Variants in RRM2 observed in about 807,000 individuals in gnomAD.
RRM2 encodes the protein ribonucleotide reductase regulatory subunit M2.
RRM2 carries 6 observed loss-of-function variants against 45.9 expected under a neutral mutation model. The observed-to-expected ratio is 0.13, with a 90% CI of 0.07 to 0.26. The LOEUF (loss-of-function observed/expected upper bound fraction) is 0.26. RRM2 is among the 10% of genes least tolerant of loss of function. The pLI is 1.00. For synonymous variants in RRM2, 177 were observed against 173.0 expected (o/e 1.02, Z -0.18); for missense variants, 343 against 489.5 (o/e 0.70, Z 2.82).
chr2:10,132,531 T>A (rs1262618406), downstream of RRM2, among the ~76,000 whole-genome samples: 1 of 152,186 alleles, frequency 6.6e-6, no homozygotes, highest in Non-Finnish European at 1.5e-5. Flanking sequence ...AAGTTGTCTT[T>A]GAGGGCACAG....
intron 3 of RRM2, among the ~76,000 whole-genome samples, chr2:10,201,165 AAG>A (rs1664563992): frequency 6.6e-6 from 1 of 151,730 alleles, no homozygotes. Context: ...AAAAAAAAGA[AAG>A]AAAGAAAGAA....
intron 3 of RRM2, 76 bp from the exon 4 acceptor site, chr2:10,123,660 G>C: frequency 7.1e-7 from 1 of 1,409,292 alleles, no homozygotes; most frequent in Non-Finnish European, 9.9e-7. Context: ...CATACTTAAA[G>C]TTTGAGTGCT....
At chr2:10,176,854 C>T (rs1440864265) in intron 3 of RRM2, among the ~76,000 whole-genome samples, 1 of 152,136 alleles carries the variant, frequency 6.6e-6, no homozygotes, top group Admixed American at 6.5e-5. Flanking sequence ...GCACCTGTTT[C>T]TCCTGTGGGT....
chr2:10,174,434 C>G (rs1663870118), intron 3 of RRM2, among the ~76,000 whole-genome samples: 1 of 152,176 alleles, frequency 6.6e-6, no homozygotes, highest in African/African-American at 2.4e-5. Flanking sequence ...AGGTGAAGCT[C>G]TCCCAGCTCT....
rs1664138106 is a variant in RRM2 at position 10,185,135 on chromosome 2, T to C, written n.483-25176T>C. On this transcript the variant is annotated intron_variant and non_coding_transcript_variant, in intron 3 of 3. Coordinates refer to the RRM2 transcript ENST00000381786. The surrounding 1 kb of genome is among the most constrained non-coding windows in gnomAD (Gnocchi z 4.3). ...TGATGTTTTGTTTGACTAATGCTTA[T>C]TTTCCCTTTTGTATCAGTATTTTAA... Among the ~76,000 whole-genome samples the C allele has an allele frequency of 6.6e-6, 1 of 152,220 alleles. No homozygotes were observed. Among genetic ancestry groups the C allele is most frequent in the African/African-American group, 2.4e-5 (1 of 41,456 alleles).
chr2:10,131,768 G>A (rs773359818), downstream of RRM2, among the ~76,000 whole-genome samples: 17 of 152,190 alleles, frequency 1.1e-4, no homozygotes, highest in East Asian at 1.9e-4. Context: ...AAAGGCTAAC[G>A]AATTCATTTG....
chr2:10,138,208 C>T (rs1663024901), upstream of RRM2, among the ~76,000 whole-genome samples: 1 of 150,314 alleles, frequency 6.7e-6, no homozygotes, highest in Non-Finnish European at 1.5e-5. Flanking sequence ...TCCCTTGTTG[C>T]CCAGGTTGGA....
At chr2:10,189,225 G>C (rs929641153) in intron 3 of RRM2, among the ~76,000 whole-genome samples, 1 of 152,250 alleles carries the variant, frequency 6.6e-6, no homozygotes, top group African/African-American at 2.4e-5. Context: ...GAGTGGGCCA[G>C]CCCCCTCCCT....
At chr2:10,190,928 A>G (rs1431631713) in intron 3 of RRM2, among the ~76,000 whole-genome samples, 3 of 152,096 alleles carry the variant, frequency 2.0e-5, no homozygotes, top group Admixed American at 6.5e-5. Flanking sequence ...CCTCTTCTCT[A>G]GCTCTGTCTC....
chr2:10,199,007 G>C (rs1433319585), intron 3 of RRM2: 1 of 152,142 alleles, frequency 6.6e-6, no homozygotes, highest in Non-Finnish European at 1.5e-5. Flanking sequence ...AAATGCTGCT[G>C]TTTGTCCAAA....
Position 10,129,025 on chromosome 2 carries a change from G to A in RRM2, c.904-16G>A. ...TGTGCTTTAGTTGTATTCAGAAGCT[G>A]TATTTTGGTTCCTAGGAGTTCCTCA... On this transcript the variant is annotated splice_polypyrimidine_tract_variant and intron_variant, in intron 8 of 9. Coordinates refer to ENST00000304567, the MANE Select transcript of RRM2 (RefSeq NM_001034.4). This position sits in a 1 kb window ranked among gnomAD's most constrained non-coding sequence, Gnocchi z 4.8. The A allele has an allele frequency of 6.2e-7, 1 of 1,612,694 alleles. No homozygotes were observed. The highest frequency in any genetic ancestry group is 8.5e-7 in the Non-Finnish European group (1 of 1,178,682).
rs1553330335 is a variant in RRM2, at chr2:10,209,057, C to CTTT, written n.483-1240_483-1238dup. Among the ~76,000 whole-genome samples the CTTT allele has an allele frequency of 1.3e-3, 130 of 102,486 alleles. 1 individual carries two copies. Among genetic ancestry groups the CTTT allele is most frequent in the African/African-American group, 4.1e-3 (115 of 27,858 alleles). 67.2% of individuals were successfully genotyped at this position (102,486 alleles called of 152,430 possible). ...TCTTTCTTTCTTTCTTTCTTTCTTT[C>CTTT]TTTTTTTTTTTTTTTTGAGATGAAG... On this transcript the variant is annotated intron_variant and non_coding_transcript_variant, in intron 3 of 3. Transcript: ENST00000381786.
intron 3 of RRM2, among the ~76,000 whole-genome samples, chr2:10,164,247 C>G (rs1352775410): frequency 1.3e-5 from 2 of 152,174 alleles, no homozygotes; most frequent in East Asian, 3.8e-4. Context: ...AGCTATGGAG[C>G]TGGCCTGAGT....
At chr2:10,197,215 G>C (rs1020336540) in intron 3 of RRM2, among the ~76,000 whole-genome samples, 2 of 152,244 alleles carry the variant, frequency 1.3e-5, no homozygotes, top group Admixed American at 6.5e-5. Flanking sequence ...CCGAGGGCTG[G>C]TGTGCGGATC....
intron 3 of RRM2, among the ~76,000 whole-genome samples, chr2:10,160,461 G>A (rs1293579269): frequency 3.3e-5 from 5 of 152,224 alleles, no homozygotes; most frequent in African/African-American, 1.2e-4. Flanking sequence ...CAAATCGACC[G>A]AAGGTGCCTA....
chr2:10,187,092 C>T lies in RRM2; in HGVS notation n.483-23219C>T, dbSNP rs574923607. ...TGCCCAGCCTCCTGGTCCTTGCCAG[C>T]GCTGCATGGCGTTTCCTGCCGGAGT... On this transcript the variant is annotated intron_variant and non_coding_transcript_variant, in intron 3 of 3. Coordinates refer to the RRM2 transcript ENST00000381786. Among the ~76,000 whole-genome samples, 431 of 152,322 alleles carry T rather than the reference C, an allele frequency of 2.8e-3. 4 individuals carry two copies. The highest frequency in any genetic ancestry group is 5.0e-3 in the Non-Finnish European group (340 of 68,014).
intron 1 of RRM2, chr2:10,141,775 G>GA (rs1663084132): frequency 1.2e-5 from 16 of 1,385,992 alleles, no homozygotes; most frequent in Middle Eastern, 2.0e-4. Context: ...AGGTGGCCAT[G>GA]GCCTGGGGCT....
At chr2:10,147,272 AG>A (rs1443655955) in intron 3 of RRM2, among the ~76,000 whole-genome samples, 2 of 151,084 alleles carry the variant, frequency 1.3e-5, no homozygotes, top group African/African-American at 4.9e-5. Flanking sequence ...TTTAAAGATA[AG>A]GGTTTTTTTT....
chr2:10,157,016 C>CTTTTTTTTTTTTTT (rs71391198), intron 3 of RRM2, among the ~76,000 whole-genome samples: 2 of 85,926 alleles, frequency 2.3e-5, no homozygotes, highest in Non-Finnish European at 2.1e-5. Context: ...CAGCCCATTT[C>CTTTTTTTTTTTTTT]TTTTTTTTTT....
Sources: allele counts gnomAD v4.1 joint callset (sites outside exome capture counted in the v4.1 genomes callset), GRCh38; gene constraint gnomAD v4.1.1; non-coding constraint Gnocchi (gnomAD v3.1); transcripts MANE v1.5; gene names NCBI Gene and HGNC (gene_info 2026-07-23, HGNC 2026-07-21).